Variants in MSN observed in about 807,000 individuals in gnomAD.
The protein encoded by MSN is epididymis luminal protein 70.
In MSN, 2 loss-of-function variants were observed where a neutral mutation model predicts 48.0. The observed-to-expected ratio is 0.04, with a 90% CI of 0.02 to 0.13. MSN has a LOEUF of 0.13. Ranked by LOEUF, MSN falls within the 10% of genes least tolerant of loss-of-function variation. MSN has a pLI of 1.00. For synonymous variants in MSN, 146 were observed against 166.9 expected (o/e 0.87, Z 0.97); for missense variants, 267 against 470.1 (o/e 0.57, Z 3.99).
At chrX:65,641,858 G>A (rs986303491) in intron 1 of MSN, among the ~76,000 whole-genome samples, 16 of 108,270 alleles carry the variant, frequency 1.5e-4, no homozygotes, top group African/African-American at 5.4e-4. Context: ...GTGTTGGCCG[G>A]GCGCGGTGGC....
chrX:65,695,174 C>G (rs951205408), intron 1 of MSN, among the ~76,000 whole-genome samples: 4 of 109,370 alleles, frequency 3.7e-5, no homozygotes, highest in Non-Finnish European at 7.6e-5. Context: ...CCAGGTCTAT[C>G]TGTAGGTAGG....
chrX:65,708,042 G>T (rs1330867503), intron 1 of MSN, among the ~76,000 whole-genome samples: 2 of 108,999 alleles, frequency 1.8e-5, no homozygotes, highest in Non-Finnish European at 3.8e-5. Flanking sequence ...AATAGAGATG[G>T]TCTTGCTATA....
intron 1 of MSN, among the ~76,000 whole-genome samples, chrX:65,659,694 T>C (rs2070808092): frequency 9.0e-6 from 1 of 111,640 alleles, no homozygotes; most frequent in South Asian, 3.7e-4. Context: ...TCTGCTCATA[T>C]TGGCCCTCAT....
chrX:65,619,833 G>T (rs1294116635), intron 1 of MSN, among the ~76,000 whole-genome samples: 1 of 108,849 alleles, frequency 9.2e-6, no homozygotes, highest in Admixed American at 9.6e-5. Flanking sequence ...CCCCATCTTT[G>T]TGGTTTTATC....
chrX:65,659,825 T>C (rs1298229083), intron 1 of MSN, among the ~76,000 whole-genome samples: 1 of 111,378 alleles, frequency 9.0e-6, no homozygotes, highest in Non-Finnish European at 1.9e-5. Flanking sequence ...CCAACCTATA[T>C]GTGGATGTAT....
At chrX:65,652,967 GCT>G (rs1332228099) in intron 1 of MSN, among the ~76,000 whole-genome samples, 1 of 111,891 alleles carries the variant, frequency 8.9e-6, no homozygotes, top group Non-Finnish European at 1.9e-5. Context: ...TAAACATGGG[GCT>G]CTCTCTCTTC....
chrX:65,645,393 C>T (rs1051812013), intron 1 of MSN, among the ~76,000 whole-genome samples: 4 of 110,747 alleles, frequency 3.6e-5, no homozygotes, highest in African/African-American at 1.3e-4. Context: ...CACAGATTTT[C>T]CTTTCTTTCT....
chrX:65,624,124 G>A (rs1249085664), intron 1 of MSN, among the ~76,000 whole-genome samples: 2 of 109,864 alleles, frequency 1.8e-5, no homozygotes, highest in African/African-American at 6.8e-5. Context: ...TGTTGCCCAG[G>A]CTGGAGTGCA....
chrX:65,639,714 T>C (rs2070633676), intron 1 of MSN, among the ~76,000 whole-genome samples: 1 of 111,672 alleles, frequency 9.0e-6, no homozygotes, highest in Non-Finnish European at 1.9e-5. Context: ...GATTCTTGGC[T>C]ACCTCAACAT....
intron 1 of MSN, among the ~76,000 whole-genome samples, chrX:65,634,635 T>TA (rs1357562602): frequency 5.4e-5 from 6 of 110,912 alleles, no homozygotes; most frequent in Non-Finnish European, 1.1e-4. Flanking sequence ...AAATAAAAAA[T>TA]AAAAAAAAGC....
intron 1 of MSN, among the ~76,000 whole-genome samples, chrX:65,707,550 A>G (rs1470449977): frequency 8.9e-6 from 1 of 112,307 alleles, no homozygotes; most frequent in Non-Finnish European, 1.9e-5. Context: ...TCTGGGGACT[A>G]CATCTTGAAA....
At chrX:65,710,062 A>G (rs936336997) in intron 1 of MSN, among the ~76,000 whole-genome samples, 8 of 112,117 alleles carry the variant, frequency 7.1e-5, no homozygotes, top group Admixed American at 1.9e-4. Context: ...TAAAGGGACC[A>G]TCTGCATCCT....
intron 1 of MSN, among the ~76,000 whole-genome samples, chrX:65,647,553 T>C (rs2070704065): frequency 8.9e-6 from 1 of 112,398 alleles, no homozygotes; most frequent in Non-Finnish European, 1.9e-5. Context: ...GATCCTGACA[T>C]ATGGTGGGTT....
At chrX:65,697,243 A>G (rs1382020431) in intron 1 of MSN, among the ~76,000 whole-genome samples, 1 of 111,378 alleles carries the variant, frequency 9.0e-6, no homozygotes, top group African/African-American at 3.3e-5. Context: ...GTAGCCAGCC[A>G]AAGTCCCCCA....
At chrX:65,627,352 G>A (rs754787879) in intron 1 of MSN, among the ~76,000 whole-genome samples, 1 of 103,570 alleles carries the variant, frequency 9.7e-6, no homozygotes, top group African/African-American at 4.2e-5. Flanking sequence ...TGAGACTGTC[G>A]AGAAAAAGAG....
chrX:65,688,094 G>A (rs1280718595), intron 1 of MSN, among the ~76,000 whole-genome samples: 2 of 112,066 alleles, frequency 1.8e-5, no homozygotes, highest in South Asian at 3.7e-4. Context: ...GCATTGCCCT[G>A]TAATTTTTTT....
chrX:65,665,766 G>C (rs1168435292), upstream of MSN, among the ~76,000 whole-genome samples: 1 of 111,768 alleles, frequency 8.9e-6, no homozygotes, highest in African/African-American at 3.3e-5. Context: ...GGAAACTCAA[G>C]CCCAGAGAGG....
At chrX:65,727,957 A>G in intron 3 of MSN, 48 bp downstream of exon 3, 1 of 1,103,794 alleles carries the variant, frequency 9.1e-7, no homozygotes, top group Non-Finnish European at 1.2e-6. Flanking sequence ...TCTTTTCCAG[A>G]ACATTCCTGG....
At chrX:65,696,093 C>A (rs758838804) in intron 1 of MSN, among the ~76,000 whole-genome samples, 1 of 111,335 alleles carries the variant, frequency 9.0e-6, no homozygotes, top group African/African-American at 3.3e-5. Context: ...CTGGATGCCT[C>A]TTGCTTGTGT....
Sources: allele counts gnomAD v4.1 joint callset (sites outside exome capture counted in the v4.1 genomes callset), GRCh38; gene constraint gnomAD v4.1.1; transcripts MANE v1.5; gene names NCBI Gene and HGNC (gene_info 2026-07-23, HGNC 2026-07-21).